Variants in SAP30L observed in about 807,000 individuals in gnomAD.
The protein encoded by SAP30L is histone deacetylase complex subunit SAP30L.
Under a neutral mutation model 22.3 loss-of-function variants are expected in SAP30L, and 10 were observed. That is an observed-to-expected ratio of 0.45 (90% CI 0.28 to 0.76). SAP30L has a LOEUF of 0.76. SAP30L is among the 30% of genes least tolerant of loss of function. The pLI, the probability that SAP30L is intolerant of heterozygous loss-of-function variation, is 0.14. For synonymous variants in SAP30L, 91 were observed against 94.1 expected (o/e 0.97, Z 0.19); for missense variants, 206 against 237.9 (o/e 0.87, Z 0.88).
intron 1 of SAP30L, 120 bp from the exon 2 acceptor site, chr5:154,450,971 C>A: frequency 1.9e-6 from 2 of 1,054,454 alleles, no homozygotes; most frequent in African/African-American, 1.6e-5. Flanking sequence ...TGGCCTACAT[C>A]TTGTCTTCCA....
At chr5:154,454,458 A>G (rs1757221564) in intron 3 of SAP30L, among the ~76,000 whole-genome samples, 1 of 152,214 alleles carries the variant, frequency 6.6e-6, no homozygotes, top group African/African-American at 2.4e-5. Context: ...AGAAAAGAAA[A>G]ATATAATTCT....
At chr5:154,454,785 T>C (rs777569492) in intron 3 of SAP30L, among the ~76,000 whole-genome samples, 1 of 152,186 alleles carries the variant, frequency 6.6e-6, no homozygotes, top group Non-Finnish European at 1.5e-5. Flanking sequence ...GAATGAAGTA[T>C]TAGGAGCATT....
At chr5:154,451,962 C>T (rs1757150802) in intron 2 of SAP30L, among the ~76,000 whole-genome samples, 1 of 152,178 alleles carries the variant, frequency 6.6e-6, no homozygotes, top group Admixed American at 6.5e-5. Flanking sequence ...GACCATGAGA[C>T]CTAGGCTTCT....
In SAP30L at chr5:154,456,009, G is replaced by A. The variant is rs930010063; in HGVS notation, c.533G>A (p.Gly178Asp). 7 of 1,613,982 alleles carry A rather than the reference G, an allele frequency of 4.3e-6. 1 individual carries two copies. In the South Asian group the frequency reaches 4.4e-5, roughly 10 times the overall value. ...NKSRLDQKSE[G>D]GKQLE Reference sequence around the variant, plus strand: ...AGTAGACTGGACCAGAAATCGGAGGGTGGCAAGCAGCTTGAGTGAGGATGA... The same window carrying A: ...AGTAGACTGGACCAGAAATCGGAGGATGGCAAGCAGCTTGAGTGAGGATGA... The change falls in exon 4 of 4, where the codon GGT becomes GAT. Residue 178 changes from glycine to aspartate, a missense_variant. By Grantham distance (94) the Gly-to-Asp change is moderately conservative. Transcript: ENST00000297109.
In SAP30L at chr5:154,446,675, G is replaced by C. The variant is rs748173674; in HGVS notation, c.71G>C (p.Gly24Ala). The change falls in exon 1 of 4, where the codon GGC (glycine) becomes GCC (alanine). Residue 24 changes from glycine (G) to alanine (A), a missense_variant. Transcript: ENST00000297109. ...GCCGCCCCAGCTGCCGCCGCCCCGG[G>C]CTACGGCCAGAGCTGCTGCCTCATC... is the stretch of plus-strand genomic sequence containing the variant. ...PPAAPAAAAP[G>A]YGQSCCLIED... The C allele has an allele frequency of 3.2e-6, 5 of 1,561,026 alleles. No individual in the cohort carries two copies. In the South Asian group the frequency reaches 4.6e-5, roughly 14 times the overall value.
At chr5:154,455,700 T>A (rs1046371560) in intron 3 of SAP30L, among the ~76,000 whole-genome samples, 200 bp from the exon 4 acceptor site, 25 of 152,144 alleles carry the variant, frequency 1.6e-4, no homozygotes, top group Admixed American at 1.6e-3. Flanking sequence ...CACTTTTGGA[T>A]CCTGGAAATT....
At chr5:154,446,848 C>G in intron 1 of SAP30L, 43 bp downstream of exon 1, 1 of 1,534,844 alleles carries the variant, frequency 6.5e-7, no homozygotes, top group Middle Eastern at 1.7e-4. Context: ...GCGCCCCCAG[C>G]TCTCCGTCCG....
chr5:154,459,681 ACCT>A lies in SAP30L; in HGVS notation c.*3655_*3657del, dbSNP rs1278483142. On this transcript the variant is annotated 3_prime_UTR_variant, in exon 4 of 4. Transcript: ENST00000297109. ...TGAGAAGATGTTAGCAGCCTGCTAA[ACCT>A]CAGACAGATGAGGACTCAGTTCTGT... The A allele has an allele frequency of 4.6e-5, 7 of 152,220 alleles. No individual in the cohort carries two copies. The allele number at this position is 152,220 out of a possible 1,614,324, so 9.4% of individuals were successfully genotyped here. A position where few individuals can be genotyped will look rare whatever the true frequency, so the allele number is the denominator to read the frequency against.
chr5:154,447,705 A>G (rs556825894), intron 1 of SAP30L, among the ~76,000 whole-genome samples: 2 of 152,348 alleles, frequency 1.3e-5, no homozygotes, highest in East Asian at 3.9e-4. Flanking sequence ...CTCTTCTAGA[A>G]TCAGAATTTC....
chr5:154,446,898 G>A (rs1757027382), intron 1 of SAP30L, 93 bp downstream of exon 1: 1 of 1,103,128 alleles, frequency 9.1e-7, no homozygotes, highest in Non-Finnish European at 1.3e-6. Flanking sequence ...GGCACTCCCC[G>A]CCGTGGGCCT....
At chr5:154,452,508 A>G in intron 2 of SAP30L, 1 of 984,844 alleles carries the variant, frequency 1.0e-6, no homozygotes, top group Non-Finnish European at 1.2e-6. Flanking sequence ...AGGTAAAGGC[A>G]GCCCAACTTT....
chr5:154,446,425 G>GGAGGGCC lies in SAP30L; in HGVS notation c.-178_-172dup, dbSNP rs1421172399. On this transcript the variant is annotated 5_prime_UTR_variant, in exon 1 of 4. Coordinates refer to ENST00000297109, the MANE Select transcript of SAP30L (RefSeq NM_024632.6). Reference sequence around the variant, plus strand: ...CGGGAGGAAGGGGGCTTCCGGAGGCGGAGGGCCGGGGGCCGAGGGAGCCGG... The same window carrying GGAGGGCC: ...CGGGAGGAAGGGGGCTTCCGGAGGCGGAGGGCCGAGGGCCGGGGGCCGAGGGAGCCGG... 10 of 460,358 alleles carry GGAGGGCC rather than the reference G, an allele frequency of 2.2e-5. No homozygotes were observed. The highest frequency in any genetic ancestry group is 8.9e-5 in the Admixed American group (2 of 22,418). The allele number at this position is 460,358 out of a possible 1,614,324, so 28.5% of individuals were successfully genotyped here.
At chr5:154,454,811 T>C (rs780712678) in intron 3 of SAP30L, among the ~76,000 whole-genome samples, 3 of 152,252 alleles carry the variant, frequency 2.0e-5, no homozygotes, top group Non-Finnish European at 2.9e-5. Flanking sequence ...ATGATGCATT[T>C]TCCTTCAAAC....
rs1357222321 is a variant in SAP30L, at chr5:154,456,334, T to C, written c.*306T>C. ...TGGAAATGTGGGATAAGAAATATTTTGGTAATCACCTTATCCACCAGGCTG... is the reference window on the plus strand; with the variant it reads ...TGGAAATGTGGGATAAGAAATATTTCGGTAATCACCTTATCCACCAGGCTG... On this transcript the variant is annotated 3_prime_UTR_variant, in exon 4 of 4. Coordinates refer to ENST00000297109, the MANE Select transcript of SAP30L (RefSeq NM_024632.6). 1.5e-5 allele frequency: 3 copies of C among 205,220 alleles called. No individual in the cohort carries two copies. Among genetic ancestry groups the C allele is most frequent in the African/African-American group, 7.0e-5 (3 of 42,744 alleles). The allele number at this position is 205,220 out of a possible 1,614,324, so 12.7% of individuals were successfully genotyped here.
At chr5:154,454,888 T>C (rs1048685859) in intron 3 of SAP30L, among the ~76,000 whole-genome samples, 3 of 152,200 alleles carry the variant, frequency 2.0e-5, no homozygotes, top group Non-Finnish European at 4.4e-5. Flanking sequence ...ATGCCTCTGT[T>C]CAATTTGTTC....
chr5:154,458,913 T>C lies in SAP30L; in HGVS notation c.*2885T>C, dbSNP rs962461045. The C allele has an allele frequency of 5.3e-5, 8 of 152,214 alleles. No homozygotes were observed. The highest frequency in any genetic ancestry group is 1.2e-4 in the Non-Finnish European group (8 of 68,034). The allele number at this position is 152,214 out of a possible 1,614,324, so 9.4% of individuals were successfully genotyped here. A position where few individuals can be genotyped will look rare whatever the true frequency, so the allele number is the denominator to read the frequency against. On this transcript the variant is annotated 3_prime_UTR_variant, in exon 4 of 4. Transcript: ENST00000297109. ...GTTGTAAAATGAAGAGGAATTTTAC[T>C]TACATGTTACAGCTGCCAAGTTTTT...
Position 154,446,190 on chromosome 5 carries a change from C to G in SAP30L, c.-415C>G, listed in dbSNP as rs1300453392. 2.6e-5 allele frequency: 4 copies of G among 156,722 alleles called. No homozygotes were observed. The highest frequency in any genetic ancestry group is 4.2e-5 in the Non-Finnish European group (3 of 71,316). The allele number at this position is 156,722 out of a possible 1,614,324, so 9.7% of individuals were successfully genotyped here. A position where few individuals can be genotyped will look rare whatever the true frequency, so the allele number is the denominator to read the frequency against. ...GAGCTGCCCGGCAGCGAGTTTGCCCCGCTGCCGAAAGAAGGCGGGAGCCGG... is the reference window on the plus strand; with the variant it reads ...GAGCTGCCCGGCAGCGAGTTTGCCCGGCTGCCGAAAGAAGGCGGGAGCCGG... On this transcript the variant is annotated 5_prime_UTR_variant, in exon 1 of 4. Transcript: ENST00000297109.
At position 154,457,034 on chromosome 5, in the gene SAP30L, T is replaced by C. The variant is rs1235377315; in HGVS notation, c.*1006T>C. Reference sequence around the variant, plus strand: ...TTCAGCTTAGGATTGAAAGTCTGGCTGGCCTTGACTCCCTGGGCTCTGGTC... The same window carrying C: ...TTCAGCTTAGGATTGAAAGTCTGGCCGGCCTTGACTCCCTGGGCTCTGGTC... On this transcript the variant is annotated 3_prime_UTR_variant, in exon 4 of 4. Transcript: ENST00000297109. 1 of 152,256 alleles carries C rather than the reference T, an allele frequency of 6.6e-6. No individual in the cohort carries two copies. The highest frequency in any genetic ancestry group is 1.5e-5 in the Non-Finnish European group (1 of 68,044). 9.4% of individuals were successfully genotyped at this position (152,256 alleles called of 1,614,324 possible). A position where few individuals can be genotyped will look rare whatever the true frequency, so the allele number is the denominator to read the frequency against.
chr5:154,451,004 A>G (rs1757126346), intron 1 of SAP30L, 87 bp from the exon 2 acceptor site: 3 of 1,395,446 alleles, frequency 2.1e-6, no homozygotes, highest in South Asian at 1.2e-5. Flanking sequence ...ATGCCCTGCA[A>G]TGGAAGGAAG....
Sources: gnomAD v4.1 joint callset for allele counts (sites outside exome capture counted in the v4.1 genomes callset) on GRCh38, gnomAD v4.1.1 for gene constraint, MANE v1.5 for transcripts, NCBI Gene and HGNC (gene_info 2026-07-23, HGNC 2026-07-21) for gene names.